ZNF804B: variants seen among roughly 807,000 people sequenced by gnomAD.
The protein encoded by ZNF804B is zinc finger 804B.
In ZNF804B, 80 loss-of-function variants were observed where a neutral mutation model predicts 101.4. The ratio of observed to expected loss-of-function variants is 0.79; its 90% CI spans 0.66 to 0.95. The LOEUF (loss-of-function observed/expected upper bound fraction) is 0.95, where lower values mean the gene tolerates loss of function less well. Among genes scored for constraint, ZNF804B ranks in the 40% least tolerant of loss-of-function variants. ZNF804B has a pLI of 0.00. For synonymous variants in ZNF804B, 622 were observed against 558.8 expected (o/e 1.11, Z -1.59); for missense variants, 1,673 against 1,561.9 (o/e 1.07, Z -1.20).
intron 1 of ZNF804B, among the ~76,000 whole-genome samples, chr7:88,798,265 A>G (rs1173547509): frequency 6.6e-6 from 1 of 152,038 alleles, no homozygotes; most frequent in Non-Finnish European, 1.5e-5. Flanking sequence ...CTTTTATTTC[A>G]TATATCTAGA....
chr7:88,877,967 A>T (rs1791977327), intron 1 of ZNF804B, among the ~76,000 whole-genome samples: 1 of 152,156 alleles, frequency 6.6e-6, no homozygotes, highest in Non-Finnish European at 1.5e-5. Flanking sequence ...AGGTGAAACA[A>T]CAGAATATGA....
At chr7:89,122,502 A>G (rs1233649236) in intron 1 of ZNF804B, among the ~76,000 whole-genome samples, 3 of 152,216 alleles carry the variant, frequency 2.0e-5, no homozygotes, top group Admixed American at 6.5e-5. Context: ...TTATTATTAC[A>G]TAACATTTGT....
intron 1 of ZNF804B, among the ~76,000 whole-genome samples, chr7:88,819,903 G>T (rs1382450744): frequency 6.6e-6 from 1 of 152,060 alleles, no homozygotes; most frequent in Non-Finnish European, 1.5e-5. Context: ...TCATAAAACT[G>T]CTCAGAGTTT....
At chr7:89,159,651 GA>G (rs1791029527) in intron 1 of ZNF804B, among the ~76,000 whole-genome samples, 1 of 152,008 alleles carries the variant, frequency 6.6e-6, no homozygotes. Context: ...GTTCATCAAT[GA>G]ACTCTTTCTT....
At chr7:88,800,450 G>C (rs1397664833) in intron 1 of ZNF804B, among the ~76,000 whole-genome samples, 1 of 152,070 alleles carries the variant, frequency 6.6e-6, no homozygotes, top group Non-Finnish European at 1.5e-5. Flanking sequence ...ACTATTTGTA[G>C]AAAAATGTGC....
intron 2 of ZNF804B, among the ~76,000 whole-genome samples, chr7:89,235,739 C>T (rs954479895): frequency 6.6e-6 from 1 of 151,010 alleles, no homozygotes; most frequent in African/African-American, 2.4e-5. Context: ...AACCTGATGA[C>T]CATATTAATT....
At chr7:88,828,367 T>C (rs189506408) in intron 1 of ZNF804B, among the ~76,000 whole-genome samples, 113 of 152,250 alleles carry the variant, frequency 7.4e-4, no homozygotes, top group African/African-American at 2.5e-3. Context: ...TTCTGGTTTC[T>C]ATGATTCAGT....
At chr7:88,809,247 T>G (rs1790739461) in intron 1 of ZNF804B, among the ~76,000 whole-genome samples, 1 of 152,172 alleles carries the variant, frequency 6.6e-6, no homozygotes, top group South Asian at 2.1e-4. Flanking sequence ...CCAAGTTTTA[T>G]ATAACATTGA....
At chr7:89,158,874 C>T (rs940574705) in intron 1 of ZNF804B, among the ~76,000 whole-genome samples, 2 of 152,016 alleles carry the variant, frequency 1.3e-5, no homozygotes, top group Admixed American at 1.3e-4. Context: ...TTATTAAGAT[C>T]CCCCCAAAAA....
intron 1 of ZNF804B, among the ~76,000 whole-genome samples, chr7:88,805,431 G>T (rs555455269): frequency 6.6e-6 from 1 of 152,194 alleles, no homozygotes; most frequent in East Asian, 1.9e-4. Flanking sequence ...TATCCAACAA[G>T]CCTTTATTAT....
rs946312688 is a variant in ZNF804B at position 89,337,901 on chromosome 7, C to A, written c.*869C>A. On this transcript the variant is annotated 3_prime_UTR_variant, in exon 4 of 4. Coordinates refer to ENST00000333190, the MANE Select transcript of ZNF804B (RefSeq NM_181646.5). ...ACTCAAAAATTTTACTACGTTCAGC[C>A]AATACATGTATAAGGATAGAGGTAA... Among the ~76,000 whole-genome samples, 1 of 151,864 alleles carries A rather than the reference C, an allele frequency of 6.6e-6. No homozygotes were observed. The highest frequency in any genetic ancestry group is 1.5e-5 in the Non-Finnish European group (1 of 67,892).
chr7:89,068,176 G>C (rs1789483273), intron 1 of ZNF804B, among the ~76,000 whole-genome samples: 1 of 149,620 alleles, frequency 6.7e-6, no homozygotes, highest in South Asian at 2.1e-4. Flanking sequence ...TATAATTAGT[G>C]TTGTGAAGTT....
intron 2 of ZNF804B, among the ~76,000 whole-genome samples, chr7:89,293,691 A>C (rs910968029): frequency 1.3e-5 from 2 of 152,018 alleles, no homozygotes; most frequent in African/African-American, 4.8e-5. Flanking sequence ...AGGGAGGCTG[A>C]GGCAGGAGAA....
At chr7:88,788,688 A>G (rs1052176084) in intron 1 of ZNF804B, among the ~76,000 whole-genome samples, 4 of 152,182 alleles carry the variant, frequency 2.6e-5, no homozygotes, top group African/African-American at 9.6e-5. Flanking sequence ...ACATAGTTGT[A>G]TAACACATAT....
At chr7:89,197,866 T>A (rs1788578880) in intron 1 of ZNF804B, among the ~76,000 whole-genome samples, 1 of 151,862 alleles carries the variant, frequency 6.6e-6, no homozygotes, top group Admixed American at 6.6e-5. Context: ...AAGAAATACC[T>A]CATTTCTATG....
Position 89,336,276 on chromosome 7 carries a change from A to G in ZNF804B, c.3294A>G (p.Leu1098=). ...STETQEDQIN[L]DLQDVSMHIN... ...AGACCCAAGAAGACCAAATAAATCT[A>G]GACTTACAGGATGTAAGCATGCATA... is the stretch of plus-strand genomic sequence containing the variant. The change falls in exon 4 of 4, where the codon CTA becomes CTG. Residue 1098 remains leucine (L), a synonymous_variant. Coordinates refer to ENST00000333190, the MANE Select transcript of ZNF804B (RefSeq NM_181646.5). The G allele has an allele frequency of 6.2e-7, 1 of 1,613,890 alleles. No homozygotes were observed. Among genetic ancestry groups the G allele is most frequent in the Non-Finnish European group, 8.5e-7 (1 of 1,179,938 alleles).
At chr7:89,258,986 T>C (rs1263503784) in intron 2 of ZNF804B, among the ~76,000 whole-genome samples, 1 of 152,136 alleles carries the variant, frequency 6.6e-6, no homozygotes, top group Admixed American at 6.6e-5. Context: ...TGATTTTTTT[T>C]TTGCTTTTTC....
At chr7:89,142,238 G>T (rs1217304762) in intron 1 of ZNF804B, among the ~76,000 whole-genome samples, 2 of 151,856 alleles carry the variant, frequency 1.3e-5, no homozygotes, top group Non-Finnish European at 2.9e-5. Context: ...GGATTCTCTG[G>T]TGAAGGTTTC....
intron 2 of ZNF804B, among the ~76,000 whole-genome samples, chr7:89,223,673 G>T (rs1454245710): frequency 6.6e-5 from 10 of 150,588 alleles, no homozygotes; most frequent in Admixed American, 5.3e-4. Context: ...AACACAGTGA[G>T]ACCTGTCTCC....
Sources: gnomAD v4.1 joint callset for allele counts (sites outside exome capture counted in the v4.1 genomes callset) on GRCh38, gnomAD v4.1.1 for gene constraint, MANE v1.5 for transcripts, NCBI Gene and HGNC (gene_info 2026-07-23, HGNC 2026-07-21) for gene names.